The following DPYD variants were observed in gnomAD, a reference collection of about 807,000 sequenced individuals.
DPYD encodes the protein dihydropyrimidine dehydrogenase [NADP(+)].
Under a neutral mutation model 116.2 loss-of-function variants are expected in DPYD, and 109 were observed. That is an observed-to-expected ratio of 0.94 (90% CI 0.80 to 1.10). The LOEUF is 1.10. Among genes scored for constraint, DPYD ranks in the 50% least tolerant of loss-of-function variants. The probability of loss-of-function intolerance (pLI) is 0.00; values close to 1 mark genes in which losing one functional copy is unlikely to be tolerated. For synonymous variants in DPYD, 440 were observed against 432.0 expected (o/e 1.02, Z -0.23); for missense variants, 1,302 against 1,254.5 (o/e 1.04, Z -0.57).
At chr1:97,266,460 T>G (rs1360850933) in intron 18 of DPYD, among the ~76,000 whole-genome samples, 1 of 152,198 alleles carries the variant, frequency 6.6e-6, no homozygotes, top group Non-Finnish European at 1.5e-5. Context: ...TTTGGTGTCT[T>G]AATCTGCTGT....
At chr1:97,712,721 T>C (rs1662362293) in intron 5 of DPYD, among the ~76,000 whole-genome samples, 1 of 152,028 alleles carries the variant, frequency 6.6e-6, no homozygotes. Context: ...TTTCTTAAAG[T>C]CCAGGGCTCC....
chr1:97,621,933 A>G (rs556396160), intron 8 of DPYD, among the ~76,000 whole-genome samples: 1 of 152,210 alleles, frequency 6.6e-6, no homozygotes, highest in East Asian at 1.9e-4. Context: ...TTTGAGCAAC[A>G]AAACAAAGTG....
At chr1:97,616,274 G>C (rs1286273297) in intron 8 of DPYD, among the ~76,000 whole-genome samples, 1 of 151,842 alleles carries the variant, frequency 6.6e-6, no homozygotes, top group East Asian at 1.9e-4. Flanking sequence ...GTTTTCATTT[G>C]TTCATTTTTT....
intron 1 of DPYD, among the ~76,000 whole-genome samples, chr1:97,895,536 T>C (rs1387566740): frequency 1.3e-5 from 2 of 151,730 alleles, no homozygotes; most frequent in African/African-American, 2.4e-5. Flanking sequence ...AGGAAATATA[T>C]ATATGGGCTG....
At chr1:97,742,619 A>G (rs1664331783) in intron 3 of DPYD, among the ~76,000 whole-genome samples, 2 of 152,164 alleles carry the variant, frequency 1.3e-5, no homozygotes, top group African/African-American at 4.8e-5. Flanking sequence ...AATCTGCAGC[A>G]TACATTGCAA....
intron 3 of DPYD, among the ~76,000 whole-genome samples, chr1:97,765,795 A>T (rs2101140727): frequency 6.6e-6 from 1 of 152,314 alleles, no homozygotes; most frequent in African/African-American, 2.4e-5. Context: ...CAAACCTAAA[A>T]TATGTGGCAC....
At chr1:97,408,379 AT>A (rs1273296856) in intron 14 of DPYD, among the ~76,000 whole-genome samples, 2 of 152,152 alleles carry the variant, frequency 1.3e-5, no homozygotes, top group African/African-American at 4.8e-5. Context: ...TACTAGGAAA[AT>A]ATCTTCATTT....
In DPYD at chr1:97,800,539, A is replaced by G. The variant is rs994791453; in HGVS notation, c.233+27575T>C. On this transcript the variant is annotated intron_variant, in intron 3 of 22. Transcript: ENST00000370192. ...TCCCACTCTCCCATTCCCCAGAATA[A>G]CTCATTAAAACTTTCCTCTTTCTCT... 3.3e-5 allele frequency among the ~76,000 whole-genome samples: 5 copies of G among 151,888 alleles called. No homozygotes were observed. The South Asian group carries it at 6.2e-4, about 19-fold the overall frequency.
intron 8 of DPYD, among the ~76,000 whole-genome samples, chr1:97,663,295 T>C (rs181425744): frequency 2.2e-4 from 33 of 152,320 alleles, no homozygotes; most frequent in Non-Finnish European, 1.0e-4. Context: ...CCCCTTATTT[T>C]ATTTTATTGG....
In DPYD at chr1:97,765,727, T is replaced by A. The variant is rs188645553; in HGVS notation, c.234-25248A>T. 2.1e-3 allele frequency among the ~76,000 whole-genome samples: 314 copies of A among 152,280 alleles called. 2 individuals are homozygous for A. The highest frequency in any genetic ancestry group is 3.6e-3 in the Non-Finnish European group (244 of 68,026). Reference sequence around the variant, plus strand: ...GGCCACTGGGTTGGGAGTGGTTTGATCTACAACAACAGCTAGTTGATGAAA... The same window carrying A: ...GGCCACTGGGTTGGGAGTGGTTTGAACTACAACAACAGCTAGTTGATGAAA... On this transcript the variant is annotated intron_variant, in intron 3 of 22. Coordinates refer to ENST00000370192, the MANE Select transcript of DPYD (RefSeq NM_000110.4).
At chr1:97,751,429 C>CAT (rs1491324109) in intron 3 of DPYD, among the ~76,000 whole-genome samples, 2 of 53,066 alleles carry the variant, frequency 3.8e-5, no homozygotes, top group Non-Finnish European at 6.5e-5. Flanking sequence ...TATATGTATA[C>CAT]GTGTGTGTGT....
chr1:97,306,358 C>G, intron 16 of DPYD, 61 bp from the exon 17 acceptor site: 1 of 1,604,992 alleles, frequency 6.2e-7, no homozygotes, highest in Non-Finnish European at 8.5e-7. Flanking sequence ...AAAATGTGTA[C>G]TGGAACAACA....
rs1679555971 is a variant in DPYD at position 97,501,189 on chromosome 1, G to GT, written c.1740+14536dup. Among the ~76,000 whole-genome samples, 3 of 151,938 alleles carry GT rather than the reference G, an allele frequency of 2.0e-5. No individual in the cohort carries two copies. The South Asian group carries it at 6.2e-4, about 32-fold the overall frequency. On this transcript the variant is annotated intron_variant, in intron 13 of 22. Transcript: ENST00000370192. ...ATGGAGCCTGTCCAATTACTGAACT[G>GT]TTTATAAACTTGTCTTTTATTTAAT...
At chr1:97,396,086 G>T (rs1348009728) in intron 14 of DPYD, among the ~76,000 whole-genome samples, 1 of 151,040 alleles carries the variant, frequency 6.6e-6, no homozygotes, top group African/African-American at 2.4e-5. Context: ...AAAGCTAACT[G>T]ATGCCACTTT....
intron 12 of DPYD, among the ~76,000 whole-genome samples, chr1:97,530,332 C>T (rs1171769959): frequency 2.0e-5 from 3 of 151,584 alleles, no homozygotes; most frequent in African/African-American, 7.3e-5. Flanking sequence ...ATTCTCCTGC[C>T]TCAACCTCCC....
At chr1:97,324,417 A>C (rs910819283) in intron 16 of DPYD, among the ~76,000 whole-genome samples, 3 of 152,010 alleles carry the variant, frequency 2.0e-5, no homozygotes, top group Non-Finnish European at 2.9e-5. Flanking sequence ...CAGGGATACA[A>C]TATCTGGTCC....
intron 5 of DPYD, among the ~76,000 whole-genome samples, chr1:97,717,468 G>A (rs1013793869): frequency 6.6e-6 from 1 of 151,838 alleles, no homozygotes; most frequent in Non-Finnish European, 1.5e-5. Flanking sequence ...AATAGTTTTT[G>A]GGGAACAGGT....
At chr1:97,655,808 T>C (rs956009481) in intron 8 of DPYD, among the ~76,000 whole-genome samples, 1 of 152,208 alleles carries the variant, frequency 6.6e-6, no homozygotes, top group African/African-American at 2.4e-5. Context: ...TGTTAGCTTG[T>C]GTTGTGAGCC....
intron 16 of DPYD, among the ~76,000 whole-genome samples, chr1:97,307,704 A>G (rs1293370345): frequency 6.6e-6 from 1 of 151,930 alleles, no homozygotes; most frequent in Non-Finnish European, 1.5e-5. Context: ...CATAGTGTGC[A>G]TTATGAATAG....
Sources: gnomAD v4.1 joint callset for allele counts (sites outside exome capture counted in the v4.1 genomes callset) on GRCh38, gnomAD v4.1.1 for gene constraint, MANE v1.5 for transcripts, NCBI Gene and HGNC (gene_info 2026-07-23, HGNC 2026-07-21) for gene names.